TYR: variants seen among roughly 807,000 people sequenced by gnomAD.
TYR encodes the protein tyrosinase.
In TYR, 58 loss-of-function variants were observed where a neutral mutation model predicts 51.5. The observed-to-expected ratio is 1.13, with a 90% CI of 0.91 to 1.40. The LOEUF is 1.40. Ranked by LOEUF, TYR falls within the 40% of genes most tolerant of loss-of-function variation. The pLI, the probability that TYR is intolerant of heterozygous loss-of-function variation, is 0.00. For synonymous variants in TYR, 263 were observed against 235.2 expected (o/e 1.12, Z -1.08); for missense variants, 732 against 647.4 (o/e 1.13, Z -1.42).
At chr11:89,246,792 C>T (rs1944273069) in intron 3 of TYR, among the ~76,000 whole-genome samples, 2 of 152,028 alleles carry the variant, frequency 1.3e-5, no homozygotes, top group African/African-American at 4.8e-5. Flanking sequence ...AACAGTCCAA[C>T]CAGAAGGGCG....
At position 89,268,377 on chromosome 11, in the gene TYR, T is replaced by C. The variant is rs555902500; in HGVS notation, c.1185-16396T>C. Among the ~76,000 whole-genome samples, 11 of 152,044 alleles carry C rather than the reference T, an allele frequency of 7.2e-5. No individual in the cohort carries two copies. In the South Asian group the frequency reaches 1.2e-3, roughly 17 times the overall value. On this transcript the variant is annotated intron_variant, in intron 3 of 4. Transcript: ENST00000263321. ...TCATCCAATAAATTGAAATTATTAC[T>C]GAAGCAATCAGTCATTTTTTATTAT...
chr11:89,215,584 C>T (rs1032751760), intron 2 of TYR, among the ~76,000 whole-genome samples: 3 of 151,980 alleles, frequency 2.0e-5, no homozygotes, highest in Non-Finnish European at 4.4e-5. Flanking sequence ...ATCCCATTGG[C>T]TTTAAAAATT....
intron 3 of TYR, among the ~76,000 whole-genome samples, chr11:89,259,403 T>C (rs1312375484): frequency 6.6e-6 from 1 of 152,050 alleles, no homozygotes; most frequent in African/African-American, 2.4e-5. Flanking sequence ...CTTCTATCAC[T>C]GAGAAAGTAA....
At chr11:89,217,065 A>C (rs1245486766) in intron 2 of TYR, among the ~76,000 whole-genome samples, 1 of 152,172 alleles carries the variant, frequency 6.6e-6, no homozygotes, top group African/African-American at 2.4e-5. Flanking sequence ...CATGTTTTGT[A>C]AAGTATTTAA....
intron 4 of TYR, among the ~76,000 whole-genome samples, chr11:89,288,930 T>G (rs952142545): frequency 6.6e-6 from 1 of 152,118 alleles, no homozygotes; most frequent in Non-Finnish European, 1.5e-5. Context: ...AAGGGGATTA[T>G]TATTCATCAA....
chr11:89,231,066 G>A (rs935116064), intron 3 of TYR, among the ~76,000 whole-genome samples: 1 of 151,282 alleles, frequency 6.6e-6, no homozygotes, highest in African/African-American at 2.4e-5. Context: ...AGCTACTCGG[G>A]AGGCTGAGGC....
At chr11:89,250,618 C>T (rs1317390480) in intron 3 of TYR, among the ~76,000 whole-genome samples, 2 of 151,888 alleles carry the variant, frequency 1.3e-5, no homozygotes, top group African/African-American at 4.8e-5. Flanking sequence ...GGGTTAATTT[C>T]TTCTAAGGCC....
intron 3 of TYR, among the ~76,000 whole-genome samples, chr11:89,277,470 G>A (rs1269256899): frequency 6.6e-6 from 1 of 151,568 alleles, no homozygotes; most frequent in Non-Finnish European, 1.5e-5. Flanking sequence ...TTATTCCCAT[G>A]GCTTCAGTTA....
At chr11:89,208,626 A>G (rs1185134327) in intron 2 of TYR, among the ~76,000 whole-genome samples, 1 of 152,222 alleles carries the variant, frequency 6.6e-6, no homozygotes, top group African/African-American at 2.4e-5. Flanking sequence ...ATAATTGCTC[A>G]GTGAGTATGC....
intron 1 of TYR, 24 bp from the exon 2 acceptor site, chr11:89,191,176 GTT>G: frequency 6.2e-7 from 1 of 1,609,862 alleles, no homozygotes; most frequent in Non-Finnish European, 8.5e-7. Context: ...GTGACAATTT[GTT>G]TAACATGAGG....
chr11:89,177,916 A>T lies in TYR; in HGVS notation c.-38A>T. 6.2e-7 allele frequency: 1 copy of T among 1,601,712 alleles called. No individual in the cohort carries two copies. The highest frequency in any genetic ancestry group is 8.5e-7 in the Non-Finnish European group (1 of 1,170,044). On this transcript the variant is annotated 5_prime_UTR_variant, in exon 1 of 5. Transcript: ENST00000263321. ...GAAAGAGAAATCTGTGACTCCAATT[A>T]GCCAGTTCCTGCAGACCTTGTGAGG... is the stretch of plus-strand genomic sequence containing the variant.
intron 3 of TYR, among the ~76,000 whole-genome samples, chr11:89,278,524 G>A (rs1428802121): frequency 6.6e-6 from 1 of 151,420 alleles, no homozygotes; most frequent in Non-Finnish European, 1.5e-5. Context: ...TCATGGTGGT[G>A]GTAGATGTGT....
chr11:89,230,297 T>C (rs1944030227), intron 3 of TYR, among the ~76,000 whole-genome samples: 1 of 152,122 alleles, frequency 6.6e-6, no homozygotes, highest in African/African-American at 2.4e-5. Context: ...GTGTCTGCAA[T>C]TAGTCGTTTG....
chr11:89,204,986 C>A (rs1223039787), intron 2 of TYR, among the ~76,000 whole-genome samples: 1 of 152,018 alleles, frequency 6.6e-6, no homozygotes, highest in South Asian at 2.1e-4. Flanking sequence ...TTAAAACACT[C>A]ATTTTTGAAT....
At chr11:89,202,908 G>A (rs1215857489) in intron 2 of TYR, among the ~76,000 whole-genome samples, 1 of 152,050 alleles carries the variant, frequency 6.6e-6, no homozygotes, top group Non-Finnish European at 1.5e-5. Context: ...AAATGATGCT[G>A]TTTCTATGAA....
intron 2 of TYR, among the ~76,000 whole-genome samples, chr11:89,210,325 G>A (rs1451773416): frequency 6.6e-6 from 1 of 152,068 alleles, no homozygotes; most frequent in Non-Finnish European, 1.5e-5. Flanking sequence ...TGAAACATAT[G>A]CAAGCTTCAA....
chr11:89,202,202 G>A (rs1295110375), intron 2 of TYR, among the ~76,000 whole-genome samples: 1 of 151,726 alleles, frequency 6.6e-6, no homozygotes, highest in Non-Finnish European at 1.5e-5. Flanking sequence ...TATTTTTGTG[G>A]GGGCAGGGTA....
intron 3 of TYR, among the ~76,000 whole-genome samples, chr11:89,260,250 C>CAAAAAAAAAA (rs778745472): frequency 1.1e-5 from 1 of 91,056 alleles, no homozygotes; most frequent in Non-Finnish European, 2.5e-5. Flanking sequence ...GAATAAAATG[C>CAAAAAAAAAA]AAAAAAAAAA....
chr11:89,251,552 AG>A (rs1258653401), intron 3 of TYR, among the ~76,000 whole-genome samples: 6 of 151,958 alleles, frequency 3.9e-5, no homozygotes, highest in African/African-American at 1.4e-4. Context: ...AAATTCAAAA[AG>A]TCAAAGAGGA....
Sources: gnomAD v4.1 joint callset for allele counts (sites outside exome capture counted in the v4.1 genomes callset) on GRCh38, gnomAD v4.1.1 for gene constraint, MANE v1.5 for transcripts, NCBI Gene and HGNC (gene_info 2026-07-23, HGNC 2026-07-21) for gene names.